ABCA5: variants seen among roughly 807,000 people sequenced by gnomAD.
ABCA5 encodes ATP binding cassette subfamily A member 5, also known as cholesterol transporter ABCA5.
In ABCA5, 163 loss-of-function variants were observed where a neutral mutation model predicts 206.0. The observed-to-expected ratio is 0.79, with a 90% confidence interval of 0.70 to 0.90. The LOEUF is 0.90. Among genes scored for constraint, ABCA5 ranks in the 40% least tolerant of loss-of-function variants. The pLI is 0.00. For synonymous variants in ABCA5, 609 were observed against 613.8 expected (o/e 0.99, Z 0.11); for missense variants, 1,859 against 1,912.9 (o/e 0.97, Z 0.53).
chr17:69,299,967 C>A (rs2145007053), intron 9 of ABCA5, among the ~76,000 whole-genome samples: 1 of 152,224 alleles, frequency 6.6e-6, no homozygotes, highest in Non-Finnish European at 1.5e-5. Flanking sequence ...GCACCAGGGA[C>A]TGGTTTTGTG....
At chr17:69,317,303 C>T (rs1477010198) in intron 1 of ABCA5, 2 of 148,690 alleles carry the variant, frequency 1.3e-5, no homozygotes, top group Non-Finnish European at 1.5e-5. Flanking sequence ...CTCAGGAAGC[C>T]GAGGCAGAAT....
At chr17:69,320,740 T>G (rs914307107) in intron 1 of ABCA5, among the ~76,000 whole-genome samples, 6 of 152,210 alleles carry the variant, frequency 3.9e-5, no homozygotes, top group Non-Finnish European at 7.3e-5. Context: ...TTCACCCTCC[T>G]CTTTGCCTGC....
chr17:69,289,304 AG>A lies in ABCA5; in HGVS notation c.1783-9del. ...TAGTAAAACCTTCTGCACCTGTAAA[AG>A]TAAAGCATGAACAATGTTATTTTAA... On this transcript the variant is annotated splice_polypyrimidine_tract_variant and intron_variant, in intron 13 of 38. Transcript: ENST00000392676. 6.5e-7 allele frequency: 1 copy of A among 1,542,732 alleles called. No individual in the cohort carries two copies. The highest frequency in any genetic ancestry group is 2.4e-5 in the East Asian group (1 of 41,772).
chr17:69,284,116 A>G, intron 17 of ABCA5, 44 bp from the exon 18 acceptor site: 1 of 1,409,182 alleles, frequency 7.1e-7, no homozygotes, highest in Non-Finnish European at 9.4e-7. Flanking sequence ...TAAGCATATT[A>G]TCATAAATTA....
rs769558445 is a variant in ABCA5 at position 69,287,760 on chromosome 17, A to G, written c.1903-9T>C. The G allele has an allele frequency of 3.1e-6, 5 of 1,610,394 alleles. No homozygotes were observed. The African/African-American group carries it at 5.3e-5, about 17-fold the overall frequency. On this transcript the variant is annotated splice_polypyrimidine_tract_variant and intron_variant, in intron 14 of 38. Transcript: ENST00000392676. ...TCATCTAGCAGCAGTATCTGTGTGA[A>G]AAGAGGTGAAGAAGGGCAGGGAATC...
intron 37 of ABCA5, chr17:69,249,227 T>A (rs1376082242): frequency 6.6e-6 from 1 of 152,166 alleles, no homozygotes; most frequent in Non-Finnish European, 1.5e-5. Context: ...AAATTATTAA[T>A]AATAAACCTT....
Position 69,250,615 on chromosome 17 carries a change from G to A in ABCA5, c.4542C>T (p.Ile1514=), listed in dbSNP as rs752011696. The part of the protein sequence containing the change: ...AIMVSGQLRC[I]GTVQHLKSKF... ...TACTCTTTAGATGTTGTACTGTTCCGATACATCTGAAGTAATTTTTTAAAA... is the reference window on the plus strand; with the variant it reads ...TACTCTTTAGATGTTGTACTGTTCCAATACATCTGAAGTAATTTTTTAAAA... The change falls in exon 36 of 39, where the codon ATC becomes ATT. Residue 1514 remains isoleucine, a synonymous_variant. Transcript: ENST00000392676. 28 of 1,549,518 alleles carry A rather than the reference G, an allele frequency of 1.8e-5. No individual in the cohort carries two copies. The highest frequency in any genetic ancestry group is 2.4e-5 in the East Asian group (1 of 42,334).
At position 69,298,308 on chromosome 17, in the gene ABCA5, G is replaced by GAA. The variant is rs1243120628; in HGVS notation, c.1268-950_1268-949insTT. 3.2e-3 allele frequency among the ~76,000 whole-genome samples: 99 copies of GAA among 30,870 alleles called. 6 individuals are homozygous for GAA. The highest frequency in any genetic ancestry group is 6.8e-3 in the African/African-American group (97 of 14,340). The allele number at this position is 30,870 out of a possible 152,430, so 20.3% of individuals were successfully genotyped here. A position where few individuals can be genotyped will look rare whatever the true frequency, so the allele number is the denominator to read the frequency against. ...GGGAGGGAGGGGAAAGAGAAAGAAA[G>GAA]AGAGAGAGAGGAAGGAAGGAAGGAA... On this transcript the variant is annotated intron_variant, in intron 9 of 38. Transcript: ENST00000392676.
intron 19 of ABCA5, among the ~76,000 whole-genome samples, chr17:69,274,838 A>ATTTTTTTTT (rs1491119445): frequency 2.0e-5 from 1 of 49,690 alleles, no homozygotes; most frequent in Non-Finnish European, 4.6e-5. Context: ...TTAACCATTT[A>ATTTTTTTTT]CTTTTTTTTT....
intron 1 of ABCA5, among the ~76,000 whole-genome samples, chr17:69,321,921 G>T (rs1009021626): frequency 6.6e-6 from 1 of 151,898 alleles, no homozygotes; most frequent in African/African-American, 2.4e-5. Context: ...TAATTTACTA[G>T]ATAAAATAAT....
chr17:69,311,532 C>T (rs1313600523), intron 3 of ABCA5, among the ~76,000 whole-genome samples: 1 of 151,956 alleles, frequency 6.6e-6, no homozygotes, highest in African/African-American at 2.4e-5. Flanking sequence ...GCTCTGTCGC[C>T]AGGCTTGAGT....
At position 69,298,229 on chromosome 17, in the gene ABCA5, T is replaced by TAGGAAGGAAGGA. The variant is rs1190899981; in HGVS notation, c.1268-882_1268-871dup. Among the ~76,000 whole-genome samples the TAGGAAGGAAGGA allele has an allele frequency of 3.3e-4, 11 of 33,468 alleles. 1 individual carries two copies. Among genetic ancestry groups the TAGGAAGGAAGGA allele is most frequent in the African/African-American group, 9.8e-4 (11 of 11,266 alleles). The allele number at this position is 33,468 out of a possible 152,430, so 22.0% of individuals were successfully genotyped here. ...CCCTGTCGGAAGGAAGGAAGGTAGG[T>TAGGAAGGAAGGA]AGGAAGGAAGGAAGGAAGGAAGGAA... On this transcript the variant is annotated intron_variant, in intron 9 of 38. Coordinates refer to ENST00000392676, the MANE Select transcript of ABCA5 (RefSeq NM_172232.4).
intron 9 of ABCA5, among the ~76,000 whole-genome samples, chr17:69,300,370 A>C (rs2075639934): frequency 6.6e-6 from 1 of 152,212 alleles, no homozygotes. Context: ...AGCTTCACTC[A>C]CATGCCTCCT....
At chr17:69,266,589 TA>T (rs201194570) in intron 23 of ABCA5, among the ~76,000 whole-genome samples, 148 of 146,118 alleles carry the variant, frequency 1.0e-3, no homozygotes, top group African/African-American at 3.5e-3. Flanking sequence ...TATATATAAA[TA>T]AAAAAATTAA....
At chr17:69,248,228 T>A in intron 38 of ABCA5, 34 bp downstream of exon 38, 1 of 1,272,344 alleles carries the variant, frequency 7.9e-7, no homozygotes. Context: ...CTTTCTTCTA[T>A]AAAATAATTT....
At position 69,302,889 on chromosome 17, in the gene ABCA5, C is replaced by A; in HGVS notation, c.948G>T (p.Met316Ile). ...YGLSSVFFAL[M>I]LTPLFKKSKH... is the part of the protein sequence containing the mutation. ...TTGATTTTTTAAAAAGAGGTGTCAGCATTAAAGCAAAAAATACCTATAAAA... is the reference window on the plus strand; with the variant it reads ...TTGATTTTTTAAAAAGAGGTGTCAGAATTAAAGCAAAAAATACCTATAAAA... Residue 316 changes from methionine (M) to isoleucine (I), a missense_variant, in exon 8 of 39, where the codon ATG (methionine) becomes ATT (isoleucine). Met to Ile is a conservative substitution (Grantham distance 10). Transcript: ENST00000392676. 6.6e-7 allele frequency: 1 copy of A among 1,526,688 alleles called. No homozygotes were observed. The highest frequency in any genetic ancestry group is 2.2e-5 in the Admixed American group (1 of 44,842). 94.6% of individuals were successfully genotyped at this position (1,526,688 alleles called of 1,614,324 possible). A position where few individuals can be genotyped will look rare whatever the true frequency, so the allele number is the denominator to read the frequency against.
chr17:69,281,137 GTTTAT>G (rs1286258616), intron 18 of ABCA5, among the ~76,000 whole-genome samples: 4 of 151,482 alleles, frequency 2.6e-5, no homozygotes, highest in African/African-American at 4.8e-5. Flanking sequence ...CACAATTGAG[GTTTAT>G]TTTAAACTCA....
chr17:69,291,308 T>C lies in ABCA5; in HGVS notation c.1514A>G (p.Tyr505Cys). The C allele has an allele frequency of 6.2e-7, 1 of 1,606,758 alleles. No individual in the cohort carries two copies. The highest frequency in any genetic ancestry group is 8.5e-7 in the Non-Finnish European group (1 of 1,174,602). Residue 505 changes from tyrosine (Y) to cysteine (C), a missense_variant, in exon 12 of 39, where the codon TAT becomes TGT. Transcript: ENST00000392676. The stretch of plus-strand genomic sequence containing the variant: ...AAGTAAGGCAGTAATCTGACCCTCA[T>C]ATATGTCAAATGACAAATCTAGTTC... ...EALRNLSFDI[Y>C]EGQITALLGH...
chr17:69,303,759 TAAAA>T lies in ABCA5; in HGVS notation c.931-857_931-854del, dbSNP rs1176172773. 7.8e-3 allele frequency among the ~76,000 whole-genome samples: 19 copies of T among 2,446 alleles called. 1 individual carries two copies. The highest frequency in any genetic ancestry group is 0.013 in the Non-Finnish European group (9 of 708). The allele number at this position is 2,446 out of a possible 152,430, so 1.6% of individuals were successfully genotyped here. A position where few individuals can be genotyped will look rare whatever the true frequency, so the allele number is the denominator to read the frequency against. Reference sequence around the variant, plus strand: ...TGGACACTTAGGAAGACCTCGACTCTAAAAAAAAAAAAAAAAAAAAAAAAAAATA... The same window carrying T: ...TGGACACTTAGGAAGACCTCGACTCTAAAAAAAAAAAAAAAAAAAAAAATA... On this transcript the variant is annotated intron_variant, in intron 7 of 38. Transcript: ENST00000392676.
Sources: allele counts gnomAD v4.1 joint callset (sites outside exome capture counted in the v4.1 genomes callset), GRCh38; gene constraint gnomAD v4.1.1; transcripts MANE v1.5; gene names NCBI Gene and HGNC (gene_info 2026-07-23, HGNC 2026-07-21).